WDR93: variants seen among roughly 807,000 people sequenced by gnomAD.
WDR93 encodes WD repeat domain 93.
In WDR93, 73 loss-of-function variants were observed where a neutral mutation model predicts 82.9. The observed-to-expected ratio is 0.88, with a 90% CI of 0.73 to 1.07. The LOEUF is 1.07. WDR93 is among the 50% of genes least tolerant of loss of function. WDR93 has a pLI of 0.00. For missense variants in WDR93, 738 were observed against 826.0 expected, an observed-to-expected ratio of 0.89 and a Z score of 1.31; for synonymous variants, 283 against 300.1, an observed-to-expected ratio of 0.94 and a Z score of 0.59.
chr15:89,729,637 C>T (rs1260521510), intron 10 of WDR93, 46 bp from the exon 11 acceptor site: 1 of 1,482,938 alleles, frequency 6.7e-7, no homozygotes, highest in East Asian at 2.3e-5. Flanking sequence ...CCAGATTTCC[C>T]CCTGTGTAAC....
intron 6 of WDR93, among the ~76,000 whole-genome samples, chr15:89,715,842 C>G (rs190259933): frequency 6.6e-6 from 1 of 152,144 alleles, no homozygotes; most frequent in African/African-American, 2.4e-5. Flanking sequence ...CCTCGGCCTC[C>G]CAAAGTGCTG....
intron 11 of WDR93, 69 bp downstream of exon 11, chr15:89,729,838 T>A: frequency 3.0e-6 from 4 of 1,318,458 alleles, no homozygotes; most frequent in Non-Finnish European, 3.3e-6. Context: ...CCAGCTTAGC[T>A]AAGAGCATGT....
chr15:89,718,463 T>TAAAAA (rs757527210), intron 7 of WDR93, among the ~76,000 whole-genome samples: 1 of 133,284 alleles, frequency 7.5e-6, no homozygotes, highest in Non-Finnish European at 1.6e-5. Context: ...GACAGCTGTC[T>TAAAAA]AAAAAAAAAA....
intron 14 of WDR93, among the ~76,000 whole-genome samples, chr15:89,736,261 G>C (rs1031087745): frequency 2.0e-5 from 3 of 152,186 alleles, no homozygotes; most frequent in African/African-American, 7.2e-5. Flanking sequence ...CGCTTGCAGA[G>C]GTGATTCCCC....
At chr15:89,690,522 C>A, upstream of WDR93, 1 of 1,366,492 alleles carries the variant, frequency 7.3e-7, no homozygotes, top group Non-Finnish European at 1.0e-6. Flanking sequence ...GGGGAATAGG[C>A]ACGGGAGCCG....
chr15:89,712,599 A>C (rs141923206), intron 5 of WDR93, among the ~76,000 whole-genome samples: 3 of 152,116 alleles, frequency 2.0e-5, no homozygotes, highest in African/African-American at 7.2e-5. Context: ...TCATAATTCA[A>C]CTGGGGTTAA....
intron 8 of WDR93, among the ~76,000 whole-genome samples, chr15:89,724,485 G>T (rs1294562419): frequency 6.6e-6 from 1 of 152,084 alleles, no homozygotes; most frequent in East Asian, 1.9e-4. Flanking sequence ...AGGAATTTCA[G>T]ATCATTCAAA....
At chr15:89,699,014 C>T (rs56016519) in intron 1 of WDR93, among the ~76,000 whole-genome samples, 28,085 of 151,746 alleles carry the variant, frequency 0.19, 2,810 homozygotes, top group Middle Eastern at 0.29. Flanking sequence ...CATGCCACCA[C>T]GCCTGGCTAA....
intron 14 of WDR93, 150 bp from the exon 15 acceptor site, chr15:89,737,423 C>A: frequency 9.6e-7 from 1 of 1,044,498 alleles, no homozygotes; most frequent in Admixed American, 2.4e-5. Context: ...TGCAGGTCTC[C>A]AGCAGCCCTG....
intron 13 of WDR93, 69 bp downstream of exon 13, chr15:89,733,288 A>T: frequency 6.9e-7 from 1 of 1,450,854 alleles, no homozygotes. Context: ...TTGATAGTAA[A>T]ATCTGACAGC....
rs770554669 is a variant in WDR93 at position 89,727,252 on chromosome 15, T to A, written c.976T>A (p.Trp326Arg). The A allele has an allele frequency of 6.2e-7, 1 of 1,613,950 alleles. No homozygotes were observed. The highest frequency in any genetic ancestry group is 8.5e-7 in the Non-Finnish European group (1 of 1,180,014). Reference sequence around the variant, plus strand: ...GAATCATTTCATCAAGGACAGTCAGTGGGAGCAGCAAGCTGAGATCTTCAA... The same window carrying A: ...GAATCATTTCATCAAGGACAGTCAGAGGGAGCAGCAAGCTGAGATCTTCAA... ...GQNHFIKDSQ[W>R]EQQAEIFNAS... Residue 326 changes from tryptophan (W) to arginine (R), a missense_variant, in exon 9 of 17, where the codon TGG becomes AGG. Transcript: ENST00000268130.
Position 89,733,203 on chromosome 15 carries a change from A to C in WDR93, c.1528A>C (p.Ser510Arg), listed in dbSNP as rs1567127534. Residue 510 changes from serine to arginine, a missense_variant, in exon 13 of 17, where the codon AGT (serine) becomes CGT (arginine). Coordinates refer to ENST00000268130, the MANE Select transcript of WDR93 (RefSeq NM_020212.2). ...TAGCGGGACCCAAGGACCCACCATC[A>C]GTGTGCTTGTTGAGAGGTCAGTAGC... ...EASGTQGPTI[S>R]VLVERPVKHL... 2 of 1,613,708 alleles carry C rather than the reference A, an allele frequency of 1.2e-6. No homozygotes were observed. Among genetic ancestry groups the C allele is most frequent in the African/African-American group, 1.3e-5 (1 of 74,912 alleles).
At chr15:89,705,744 C>T in intron 4 of WDR93, 126 bp downstream of exon 4, 1 of 687,904 alleles carries the variant, frequency 1.5e-6, no homozygotes. Flanking sequence ...GGCCAGAGAG[C>T]CTCCTCCAAA....
chr15:89,714,060 C>A (rs1966129519), intron 5 of WDR93, among the ~76,000 whole-genome samples: 1 of 152,124 alleles, frequency 6.6e-6, no homozygotes, highest in African/African-American at 2.4e-5. Context: ...AAGATAAAGT[C>A]CCACAGCCAA....
At chr15:89,743,076 C>A (rs1461265161) in intron 16 of WDR93, among the ~76,000 whole-genome samples, 2 of 152,208 alleles carry the variant, frequency 1.3e-5, no homozygotes, top group East Asian at 3.8e-4. Flanking sequence ...CCCACATGCA[C>A]CTCACAGGTA....
intron 7 of WDR93, among the ~76,000 whole-genome samples, chr15:89,719,824 G>A (rs1966439324): frequency 6.8e-6 from 1 of 146,610 alleles, no homozygotes; most frequent in South Asian, 2.2e-4. Context: ...TTTTTGAGAT[G>A]GAATCTCGCT....
At chr15:89,718,924 G>T (rs927282297) in intron 7 of WDR93, among the ~76,000 whole-genome samples, 1 of 152,132 alleles carries the variant, frequency 6.6e-6, no homozygotes, top group African/African-American at 2.4e-5. Flanking sequence ...CCCAGTTGAT[G>T]TGTGTTTTCT....
chr15:89,707,387 C>T (rs1965767794), intron 4 of WDR93, among the ~76,000 whole-genome samples: 1 of 152,072 alleles, frequency 6.6e-6, no homozygotes, highest in African/African-American at 2.4e-5. Flanking sequence ...CCCATCTCTA[C>T]TAAAAATACA....
chr15:89,723,187 G>A (rs917102696), intron 8 of WDR93, among the ~76,000 whole-genome samples: 17 of 148,900 alleles, frequency 1.1e-4, no homozygotes, highest in African/African-American at 3.6e-4. Flanking sequence ...GGAGATGGGA[G>A]TGAAACCGCG....
Sources: gnomAD v4.1 joint callset for allele counts (sites outside exome capture counted in the v4.1 genomes callset) on GRCh38, gnomAD v4.1.1 for gene constraint, MANE v1.5 for transcripts, NCBI Gene and HGNC (gene_info 2026-07-23, HGNC 2026-07-21) for gene names.